CCDC178: variants seen among roughly 807,000 people sequenced by gnomAD.
The protein encoded by CCDC178 is coiled-coil domain-containing protein 178.
A neutral mutation model predicts 117.4 loss-of-function variants in CCDC178; 126 were observed. That is an observed-to-expected ratio of 1.07 (90% CI 0.93 to 1.24). The LOEUF (loss-of-function observed/expected upper bound fraction) is 1.24. Ranked by LOEUF, CCDC178 falls within the 50% of genes most tolerant of loss-of-function variation. CCDC178 has a pLI of 0.00. For synonymous variants in CCDC178, 283 were observed against 313.4 expected, an observed-to-expected ratio of 0.90 and a Z score of 1.02; for missense variants, 1,030 against 986.9, an observed-to-expected ratio of 1.04 and a Z score of -0.59.
intron 14 of CCDC178, among the ~76,000 whole-genome samples, chr18:33,255,731 G>A (rs1240017039): frequency 6.6e-6 from 1 of 151,898 alleles, no homozygotes; most frequent in African/African-American, 2.4e-5. Context: ...GTTAAAATAA[G>A]GGGACCAGGC....
At chr18:33,355,947 G>A (rs1235883582) in intron 7 of CCDC178, among the ~76,000 whole-genome samples, 1 of 152,178 alleles carries the variant, frequency 6.6e-6, no homozygotes, top group Non-Finnish European at 1.5e-5. Context: ...CTGAAGGCTG[G>A]AGAATGCTGA....
chr18:33,277,902 C>G (rs144590813), intron 12 of CCDC178, among the ~76,000 whole-genome samples: 269 of 152,186 alleles, frequency 1.8e-3, no homozygotes, highest in African/African-American at 6.3e-3. Flanking sequence ...CCCATGTAAC[C>G]TTGCATATTT....
intron 22 of CCDC178, among the ~76,000 whole-genome samples, chr18:32,957,274 A>G (rs1378365971): frequency 6.6e-6 from 1 of 152,332 alleles, no homozygotes; most frequent in African/African-American, 2.4e-5. Context: ...TATGTTTAAA[A>G]GCCTAGGAGA....
intron 4 of CCDC178, among the ~76,000 whole-genome samples, chr18:33,390,889 A>G (rs1473549008): frequency 1.3e-5 from 2 of 151,850 alleles, no homozygotes; most frequent in Non-Finnish European, 2.9e-5. Context: ...ATACATAAAT[A>G]TAAGGTTAAA....
At chr18:33,346,812 T>C (rs2062900909) in intron 8 of CCDC178, among the ~76,000 whole-genome samples, 1 of 152,170 alleles carries the variant, frequency 6.6e-6, no homozygotes, top group Non-Finnish European at 1.5e-5. Context: ...TGAATAATCA[T>C]AATGGTTCCT....
intron 21 of CCDC178, among the ~76,000 whole-genome samples, chr18:33,008,603 T>A (rs2055797634): frequency 6.6e-6 from 1 of 152,082 alleles, no homozygotes; most frequent in African/African-American, 2.4e-5. Flanking sequence ...TGTTTCTTTG[T>A]TTTTCTGCTT....
At position 33,101,516 on chromosome 18, in the gene CCDC178, T is replaced by C. The variant is rs566471731; in HGVS notation, c.2239-8606A>G. Among the ~76,000 whole-genome samples, 100 of 151,984 alleles carry C rather than the reference T, an allele frequency of 6.6e-4. 3 individuals are homozygous for C. In the South Asian group the frequency reaches 0.021, roughly 31 times the overall value. On this transcript the variant is annotated intron_variant, in intron 20 of 22. Transcript: ENST00000383096. ...CCTTTCTTTATGTAATTACAAAGAA[T>C]AATATCTTTGTACTGATGGCACTGC... is the stretch of plus-strand genomic sequence containing the variant.
At chr18:33,264,034 T>C (rs1160681270) in intron 14 of CCDC178, among the ~76,000 whole-genome samples, 1 of 152,046 alleles carries the variant, frequency 6.6e-6, no homozygotes, top group Non-Finnish European at 1.5e-5. Context: ...ATTATAACTA[T>C]TCACACTGTT....
At chr18:33,075,212 A>G (rs907987943) in intron 21 of CCDC178, among the ~76,000 whole-genome samples, 8 of 152,202 alleles carry the variant, frequency 5.3e-5, no homozygotes, top group Non-Finnish European at 1.2e-4. Context: ...CACTGTGTAT[A>G]ACCTACTATC....
At chr18:33,155,427 T>C (rs1598940041) in intron 20 of CCDC178, among the ~76,000 whole-genome samples, 2 of 152,294 alleles carry the variant, frequency 1.3e-5, no homozygotes, top group South Asian at 2.1e-4. Context: ...AAATCAGTTA[T>C]CTAAATTTTT....
At chr18:32,986,393 T>C (rs192031014) in intron 21 of CCDC178, among the ~76,000 whole-genome samples, 5 of 152,144 alleles carry the variant, frequency 3.3e-5, no homozygotes, top group Admixed American at 6.5e-5. Context: ...CTAGTGCAAA[T>C]TGTCTCTGGA....
chr18:33,300,878 T>C (rs2062168376), intron 11 of CCDC178, among the ~76,000 whole-genome samples: 1 of 152,234 alleles, frequency 6.6e-6, no homozygotes, highest in African/African-American at 2.4e-5. Context: ...CCTGGCCATG[T>C]GGCACAGAAA....
intron 20 of CCDC178, among the ~76,000 whole-genome samples, chr18:33,130,734 T>C (rs748591101): frequency 3.4e-4 from 51 of 151,956 alleles, no homozygotes; most frequent in Non-Finnish European, 5.0e-4. Context: ...TATGTTCTAC[T>C]AGCAAGAAAT....
intron 4 of CCDC178, among the ~76,000 whole-genome samples, chr18:33,395,582 A>G (rs1257881844): frequency 6.6e-6 from 1 of 152,096 alleles, no homozygotes; most frequent in Non-Finnish European, 1.5e-5. Flanking sequence ...AAATTTGCAG[A>G]TTAGGTTTTC....
intron 6 of CCDC178, among the ~76,000 whole-genome samples, chr18:33,364,352 G>C (rs2063171085): frequency 6.6e-6 from 1 of 152,006 alleles, no homozygotes; most frequent in Non-Finnish European, 1.5e-5. Context: ...AAAAATTCTA[G>C]ACTGCAAAGA....
intron 12 of CCDC178, among the ~76,000 whole-genome samples, chr18:33,291,821 CA>C (rs1201182774): frequency 3.3e-5 from 5 of 152,036 alleles, no homozygotes; most frequent in African/African-American, 1.2e-4. Context: ...GCCAAGGAAA[CA>C]AAGGCTTCAG....
intron 20 of CCDC178, among the ~76,000 whole-genome samples, chr18:33,097,286 A>C (rs1277773329): frequency 2.6e-5 from 4 of 152,120 alleles, no homozygotes; most frequent in African/African-American, 4.8e-5. Flanking sequence ...TAGGTGTTCC[A>C]GCAAACAGTC....
chr18:33,363,078 T>C (rs2063152425), intron 6 of CCDC178, among the ~76,000 whole-genome samples: 1 of 151,990 alleles, frequency 6.6e-6, no homozygotes, highest in Non-Finnish European at 1.5e-5. Flanking sequence ...CTACACTATC[T>C]TCTCAATTGT....
intron 3 of CCDC178, among the ~76,000 whole-genome samples, chr18:33,402,102 T>C (rs965362727): frequency 6.6e-6 from 1 of 152,154 alleles, no homozygotes; most frequent in African/African-American, 2.4e-5. Flanking sequence ...TCACAGCCTA[T>C]GTCCCCCAAA....
Sources: gnomAD v4.1 joint callset for allele counts (sites outside exome capture counted in the v4.1 genomes callset) on GRCh38, gnomAD v4.1.1 for gene constraint, MANE v1.5 for transcripts, NCBI Gene and HGNC (gene_info 2026-07-23, HGNC 2026-07-21) for gene names.